Variants in CCSER1 observed in about 807,000 individuals in gnomAD.
The protein encoded by CCSER1 is coiled-coil serine rich protein 1, also known as serine-rich coiled-coil domain-containing protein 1.
CCSER1 carries 41 observed loss-of-function variants against 82.0 expected under a neutral mutation model. The observed-to-expected ratio is 0.50, with a 90% CI of 0.39 to 0.65. The LOEUF (loss-of-function observed/expected upper bound fraction) is 0.65, where lower values mean the gene tolerates loss of function less well. Ranked by LOEUF, CCSER1 falls within the 30% of genes least tolerant of loss-of-function variation. CCSER1 has a pLI of 0.00. For missense variants in CCSER1, 1,119 were observed against 1,064.2 expected (o/e 1.05, Z -0.72); for synonymous variants, 414 against 383.9 (o/e 1.08, Z -0.92).
chr4:90,272,417 A>G (rs970338883), intron 1 of CCSER1, among the ~76,000 whole-genome samples: 1 of 152,188 alleles, frequency 6.6e-6, no homozygotes, highest in African/African-American at 2.4e-5. Flanking sequence ...ACAAATGCAG[A>G]CAAGGATGTG....
intron 6 of CCSER1, among the ~76,000 whole-genome samples, chr4:90,668,984 G>A (rs893319444): frequency 1.3e-5 from 2 of 152,048 alleles, no homozygotes; most frequent in Non-Finnish European, 2.9e-5. Flanking sequence ...AGGGCCATAA[G>A]AGAAATGCAA....
At chr4:91,296,483 A>ATATATATATATATTATT (rs1175690764) in intron 10 of CCSER1, among the ~76,000 whole-genome samples, 13 of 124,008 alleles carry the variant, frequency 1.0e-4, no homozygotes, top group African/African-American at 2.4e-4. Flanking sequence ...ATATATATAT[A>ATATATATATATATTATT]TATTTTAATT....
At chr4:91,546,979 T>TG (rs1761925016) in intron 10 of CCSER1, among the ~76,000 whole-genome samples, 1 of 151,244 alleles carries the variant, frequency 6.6e-6, no homozygotes, top group Non-Finnish European at 1.5e-5. Flanking sequence ...TTTCTTTTTT[T>TG]TTTTTTTTCA....
chr4:90,841,897 T>C (rs1431223398), intron 8 of CCSER1, among the ~76,000 whole-genome samples: 2 of 152,232 alleles, frequency 1.3e-5, no homozygotes, highest in African/African-American at 2.4e-5. Context: ...TTAATTCTTA[T>C]AAGTTGCCCA....
At chr4:90,946,744 G>C (rs1252933351) in intron 9 of CCSER1, among the ~76,000 whole-genome samples, 1 of 152,074 alleles carries the variant, frequency 6.6e-6, no homozygotes, top group Non-Finnish European at 1.5e-5. Context: ...AATATAAGCA[G>C]TCTTGATTTC....
chr4:90,337,328 G>A (rs1042824474), intron 3 of CCSER1, among the ~76,000 whole-genome samples: 3 of 152,164 alleles, frequency 2.0e-5, no homozygotes, highest in Admixed American at 1.3e-4. Context: ...CTCGGAGAAG[G>A]GGTTGTGACC....
chr4:90,640,592 T>A (rs1726318113), intron 6 of CCSER1, among the ~76,000 whole-genome samples: 1 of 152,104 alleles, frequency 6.6e-6, no homozygotes, highest in Non-Finnish European at 1.5e-5. Flanking sequence ...CCAAATCTCA[T>A]CTTGAATTGT....
intron 1 of CCSER1, among the ~76,000 whole-genome samples, chr4:90,162,732 C>G (rs1283353652): frequency 6.6e-6 from 1 of 151,960 alleles, no homozygotes; most frequent in Non-Finnish European, 1.5e-5. Flanking sequence ...TGGTTGGTAC[C>G]TTTTGACCTG....
intron 10 of CCSER1, among the ~76,000 whole-genome samples, chr4:91,167,135 A>G (rs1457011047): frequency 6.6e-6 from 1 of 151,278 alleles, no homozygotes; most frequent in Non-Finnish European, 1.5e-5. Flanking sequence ...TTTATTGTTT[A>G]TCAGATTTGA....
chr4:90,973,999 A>G (rs1735365908), intron 9 of CCSER1, among the ~76,000 whole-genome samples: 1 of 151,492 alleles, frequency 6.6e-6, no homozygotes, highest in Admixed American at 6.6e-5. Context: ...CATATGGAAA[A>G]TCTAAAAATC....
chr4:91,487,689 T>A (rs920436759), intron 10 of CCSER1, among the ~76,000 whole-genome samples: 11 of 152,116 alleles, frequency 7.2e-5, no homozygotes, highest in African/African-American at 2.4e-4. Context: ...TTTAATTTCC[T>A]TTAAATGGAA....
chr4:90,390,102 T>C (rs1750741806), intron 3 of CCSER1, among the ~76,000 whole-genome samples: 1 of 152,158 alleles, frequency 6.6e-6, no homozygotes, highest in Admixed American at 6.5e-5. Context: ...GAAATTCAAA[T>C]GACATTTTTA....
chr4:91,249,949 AT>A (rs71300742), intron 10 of CCSER1, among the ~76,000 whole-genome samples: 1,735 of 135,770 alleles, frequency 0.013, 20 homozygotes, highest in African/African-American at 0.048. Context: ...GTCCTGAATA[AT>A]AAAAAAAAAA....
chr4:90,308,112 G>T (rs939640705), intron 1 of CCSER1, 132 bp from the exon 2 acceptor site: 2 of 630,812 alleles, frequency 3.2e-6, no homozygotes, highest in Admixed American at 3.7e-5. Flanking sequence ...TTAGGTATCA[G>T]ATTTTTGTTA....
chr4:90,407,945 A>C (rs1042945006), intron 4 of CCSER1, among the ~76,000 whole-genome samples: 2 of 152,166 alleles, frequency 1.3e-5, no homozygotes, highest in Admixed American at 1.3e-4. Flanking sequence ...CTAATACTGC[A>C]CTTTTCCAAC....
rs545282356 is a variant in CCSER1 at position 90,644,817 on chromosome 4, C to G, written c.1932+16585C>G. 3.1e-4 allele frequency among the ~76,000 whole-genome samples: 47 copies of G among 152,012 alleles called. No homozygotes were observed. In the South Asian group the frequency reaches 9.6e-3, roughly 31 times the overall value. ...ATGATCTTGGCCAGGTGCGGTGGCT[C>G]ACACCTATAATCCCAGCACTTTGGG... On this transcript the variant is annotated intron_variant, in intron 6 of 10. Transcript: ENST00000509176.
At chr4:90,848,123 A>G (rs532352500) in intron 8 of CCSER1, among the ~76,000 whole-genome samples, 1 of 152,198 alleles carries the variant, frequency 6.6e-6, no homozygotes, top group Non-Finnish European at 1.5e-5. Context: ...AACAATGCAT[A>G]GTTGTATATT....
At chr4:91,099,262 T>A (rs937729115) in intron 10 of CCSER1, among the ~76,000 whole-genome samples, 2 of 152,136 alleles carry the variant, frequency 1.3e-5, no homozygotes, top group Admixed American at 1.3e-4. Context: ...GTGATGACAA[T>A]TTTTTGGGAA....
Position 90,184,935 on chromosome 4 carries a change from TTC to T in CCSER1, c.-42+57105_-42+57106del, listed in dbSNP as rs1734341716. On this transcript the variant is annotated intron_variant, in intron 1 of 10. Transcript: ENST00000509176. ...AGTTGGATACAAAAGAAAGGAACAA[TTC>T]CTGCCTCTGTGCCAAAACTTCCATA... 2.0e-5 allele frequency among the ~76,000 whole-genome samples: 3 copies of T among 152,072 alleles called. No individual in the cohort carries two copies. In the South Asian group the frequency reaches 6.2e-4, roughly 31 times the overall value.
Sources: allele counts gnomAD v4.1 joint callset (sites outside exome capture counted in the v4.1 genomes callset), GRCh38; gene constraint gnomAD v4.1.1; transcripts MANE v1.5; gene names NCBI Gene and HGNC (gene_info 2026-07-23, HGNC 2026-07-21).